The following ABCD4 variants were observed in gnomAD, a reference collection of about 807,000 sequenced individuals.
The protein encoded by ABCD4 is lysosomal cobalamin transporter ABCD4.
In ABCD4, 53 loss-of-function variants were observed where a neutral mutation model predicts 86.3. That is an observed-to-expected ratio of 0.61 (90% CI 0.49 to 0.77). The LOEUF (loss-of-function observed/expected upper bound fraction) is 0.77. ABCD4 is among the 30% of genes least tolerant of loss of function. The pLI, the probability that ABCD4 is intolerant of heterozygous loss-of-function variation, is 0.00. For missense variants in ABCD4, 757 were observed against 764.5 expected, an observed-to-expected ratio of 0.99 and a Z score of 0.12; for synonymous variants, 328 against 313.6, an observed-to-expected ratio of 1.05 and a Z score of -0.49.
intron 6 of ABCD4, 87 bp from the exon 7 acceptor site, chr14:74,295,285 A>T (rs1314782142): frequency 1.3e-6 from 2 of 1,514,690 alleles, no homozygotes; most frequent in African/African-American, 2.8e-5. Context: ...AGACCGCCCA[A>T]GCGGAGCCCG....
chr14:74,288,963 T>C, intron 14 of ABCD4, 198 bp from the exon 15 acceptor site: 2 of 913,404 alleles, frequency 2.2e-6, no homozygotes, highest in Non-Finnish European at 3.1e-6. Flanking sequence ...TATACAAAAA[T>C]TAGGCAGGCA....
chr14:74,290,429 G>A lies in ABCD4; in HGVS notation c.1189C>T (p.Pro397Ser). Residue 397 changes from proline (P) to serine (S), a missense_variant, in exon 12 of 19, where the codon CCC (proline) becomes TCC (serine). Pro to Ser is a moderately conservative substitution (Grantham distance 74). Transcript: ENST00000356924. ...FLLERVSISAPSSDKPLIKDL... is the reference protein window; with the variant it reads ...FLLERVSISASSSDKPLIKDL... ...TTGATTAGGGGTTTGTCAGAGGAGG[G>A]GGCAGAGATGGAGACCCGCTCAAGG... The A allele has an allele frequency of 2.5e-6, 4 of 1,614,110 alleles. No homozygotes were observed. The highest frequency in any genetic ancestry group is 2.5e-6 in the Non-Finnish European group (3 of 1,180,034).
chr14:74,298,428 C>T (rs895852396), intron 3 of ABCD4, among the ~76,000 whole-genome samples: 7 of 152,242 alleles, frequency 4.6e-5, no homozygotes, highest in African/African-American at 1.4e-4. Context: ...TGCACCACCA[C>T]GCCCAGCTAA....
chr14:74,302,856 C>T lies in ABCD4; in HGVS notation c.38+19G>A, dbSNP rs1366945035. On this transcript the variant is annotated intron_variant, in intron 1 of 18. Transcript: ENST00000356924. The stretch of plus-strand genomic sequence containing the variant: ...CGGAACTCCTGCTCCCAAACCTCCT[C>T]CCCGACCGCCCTGCTTACCTGGCGC... The T allele has an allele frequency of 2.5e-6, 4 of 1,605,256 alleles. No individual in the cohort carries two copies. In the Admixed American group the frequency reaches 6.8e-5, roughly 27 times the overall value.
chr14:74,295,307 A>C lies in ABCD4; in HGVS notation c.669-109T>G, dbSNP rs2082573912. 106 of 1,311,084 alleles carry C rather than the reference A, an allele frequency of 8.1e-5. 3 individuals are homozygous for C. In the South Asian group the frequency reaches 1.3e-3, roughly 17 times the overall value. The allele number at this position is 1,311,084 out of a possible 1,614,324, so 81.2% of individuals were successfully genotyped here. ...CCAAGCGGAGCCCGGCTCTGCCTCA[A>C]AACCGTGGCTGCCTCAGTCTGACCC... On this transcript the variant is annotated intron_variant, in intron 6 of 18. Transcript: ENST00000356924.
chr14:74,298,962 A>C (rs1014110884), intron 3 of ABCD4: 31 of 155,668 alleles, frequency 2.0e-4, no homozygotes. Flanking sequence ...GGAGTGTTAC[A>C]GCGAGGTAAA....
At chr14:74,286,894 A>C (rs1594789409) in intron 17 of ABCD4, 78 bp from the exon 18 acceptor site, 2 of 1,362,570 alleles carry the variant, frequency 1.5e-6, no homozygotes, top group Non-Finnish European at 1.0e-6. Flanking sequence ...CCCATACTCA[A>C]CCCCAGCTGG....
At chr14:74,295,370 AG>A (rs2082591199) in intron 6 of ABCD4, among the ~76,000 whole-genome samples, 172 bp from the exon 7 acceptor site, 6 of 152,364 alleles carry the variant, frequency 3.9e-5, no homozygotes, top group Admixed American at 3.9e-4. Context: ...CCCCAGGGCT[AG>A]GTGGTGTGGC....
intron 4 of ABCD4, chr14:74,297,318 C>T (rs1390624311): frequency 6.6e-6 from 1 of 152,246 alleles, no homozygotes; most frequent in Non-Finnish European, 1.5e-5. Context: ...CCTCATTTTA[C>T]AGAAGGGGAA....
At chr14:74,289,547 C>A in intron 13 of ABCD4, 28 bp from the exon 14 acceptor site, 1 of 1,612,384 alleles carries the variant, frequency 6.2e-7, no homozygotes, top group South Asian at 1.1e-5. Context: ...CCACACCAAC[C>A]TAGGAGGGCG....
chr14:74,288,798 A>T, intron 14 of ABCD4, 33 bp from the exon 15 acceptor site: 1 of 1,610,150 alleles, frequency 6.2e-7, no homozygotes, highest in Non-Finnish European at 8.5e-7. Context: ...GCAAAAAGCC[A>T]GAGCCTCCTG....
rs188889556 is a variant in ABCD4 at position 74,301,364 on chromosome 14, T to G, written c.39-1096A>C. On this transcript the variant is annotated intron_variant, in intron 1 of 18. Transcript: ENST00000356924. Reference sequence around the variant, plus strand: ...TGGTAGAGATGGGGTTTCACCATGTTGCCCAGGCTGATCTTGAACTCCTGG... The same window carrying G: ...TGGTAGAGATGGGGTTTCACCATGTGGCCCAGGCTGATCTTGAACTCCTGG... Among the ~76,000 whole-genome samples the G allele has an allele frequency of 4.1e-4, 63 of 152,146 alleles. 1 individual carries two copies. Among genetic ancestry groups the G allele is most frequent in the Non-Finnish European group, 6.0e-4 (41 of 68,008 alleles).
At chr14:74,295,707 T>A in intron 6 of ABCD4, 147 bp downstream of exon 6, 1 of 1,026,316 alleles carries the variant, frequency 9.7e-7, no homozygotes, top group Non-Finnish European at 1.4e-6. Context: ...GACAAGAACA[T>A]TGAAGCTTGG....
chr14:74,293,016 C>A (rs915308754), intron 8 of ABCD4, 138 bp downstream of exon 8: 2 of 1,457,086 alleles, frequency 1.4e-6, no homozygotes, highest in East Asian at 2.3e-5. Context: ...AGAAAGGCAA[C>A]AGCCCCCCCT....
At position 74,298,396 on chromosome 14, in the gene ABCD4, C is replaced by T. The variant is rs373938207; in HGVS notation, c.286-327G>A. On this transcript the variant is annotated intron_variant, in intron 3 of 18. Transcript: ENST00000356924. ...AAGCGATTCTCCTGCCTCAGCCTCC[C>T]GAGTAGCTGGGATTACAGGCATGCA... 1.2e-4 allele frequency among the ~76,000 whole-genome samples: 18 copies of T among 152,288 alleles called. No individual in the cohort carries two copies. The East Asian group carries it at 2.9e-3, about 24-fold the overall frequency.
At chr14:74,298,925 A>C (rs181328995) in intron 3 of ABCD4, 392 of 153,984 alleles carry the variant, frequency 2.5e-3, no homozygotes, top group Admixed American at 4.4e-3. Context: ...CTCACAGTTT[A>C]GCCAGAAAAC....
intron 1 of ABCD4, among the ~76,000 whole-genome samples, chr14:74,302,301 T>C (rs1351374997): frequency 1.3e-5 from 2 of 152,112 alleles, no homozygotes; most frequent in Non-Finnish European, 1.5e-5. Flanking sequence ...CTAGCATGGA[T>C]GGACTCAAAA....
rs2083289995 is a variant in ABCD4, at chr14:74,297,926, C to G, written c.425+4G>C. 6.2e-7 allele frequency: 1 copy of G among 1,612,746 alleles called. No individual in the cohort carries two copies. The highest frequency in any genetic ancestry group is 1.3e-5 in the African/African-American group (1 of 74,832). On this transcript the variant is annotated splice_donor_region_variant and intron_variant, in intron 4 of 18. Transcript: ENST00000356924. ...TGTAGAAAGGACTGAGTTGGGGCGC[C>G]TACGGGTTATCGATGTCATCCCGCA...
intron 1 of ABCD4, among the ~76,000 whole-genome samples, chr14:74,302,672 A>G (rs2084983009): frequency 6.6e-6 from 1 of 152,194 alleles, no homozygotes; most frequent in Non-Finnish European, 1.5e-5. Context: ...TCCGGCCAAG[A>G]ACGGAGGGGG....
Sources: allele counts gnomAD v4.1 joint callset (sites outside exome capture counted in the v4.1 genomes callset), GRCh38; gene constraint gnomAD v4.1.1; transcripts MANE v1.5; gene names NCBI Gene and HGNC (gene_info 2026-07-23, HGNC 2026-07-21).